CNTNAP2: variants seen among roughly 807,000 people sequenced by gnomAD.
CNTNAP2 encodes contactin associated protein 2, also known as contactin-associated protein-like 2.
A neutral mutation model predicts 155.2 loss-of-function variants in CNTNAP2; 98 were observed. That is an observed-to-expected ratio of 0.63 (90% CI 0.54 to 0.75). The LOEUF is 0.75. Ranked by LOEUF, CNTNAP2 falls within the 30% of genes least tolerant of loss-of-function variation. CNTNAP2 has a pLI of 0.00. For synonymous variants in CNTNAP2, 651 were observed against 631.2 expected (o/e 1.03, Z -0.47); for missense variants, 1,727 against 1,688.1 (o/e 1.02, Z -0.40).
intron 1 of CNTNAP2, among the ~76,000 whole-genome samples, chr7:146,463,734 A>G (rs73462771): frequency 0.027 from 4,177 of 152,274 alleles, 142 homozygotes; most frequent in African/African-American, 0.074. Context: ...GTATATATAT[A>G]GAGTAACTTA....
At chr7:146,873,131 G>A (rs1050012472) in intron 3 of CNTNAP2, among the ~76,000 whole-genome samples, 2 of 152,024 alleles carry the variant, frequency 1.3e-5, no homozygotes, top group Non-Finnish European at 2.9e-5. Context: ...CAATGCATTG[G>A]GTGGATTTAG....
At position 147,137,442 on chromosome 7, in the gene CNTNAP2, T is replaced by C. The variant is rs1443153915; in HGVS notation, c.1348+4933T>C. Among the ~76,000 whole-genome samples the C allele has an allele frequency of 2.0e-5, 3 of 151,822 alleles. No individual in the cohort carries two copies. In the East Asian group the frequency reaches 5.8e-4, roughly 29 times the overall value. ...TAACTTTTTAATATATTTTCTCTAA[T>C]ATCTATATTTTCTCCAATAAACATC... On this transcript the variant is annotated intron_variant, in intron 8 of 23. Coordinates refer to ENST00000361727, the MANE Select transcript of CNTNAP2 (RefSeq NM_014141.6).
intron 15 of CNTNAP2, among the ~76,000 whole-genome samples, chr7:148,095,141 T>G (rs979639788): frequency 2.6e-5 from 4 of 152,218 alleles, no homozygotes; most frequent in African/African-American, 4.8e-5. Context: ...TCCTGGACCA[T>G]GGACCAAGCT....
rs1797281447 is a variant in CNTNAP2 at position 147,420,906 on chromosome 7, T to C, written c.1670+25126T>C. On this transcript the variant is annotated intron_variant, in intron 10 of 23. Coordinates refer to ENST00000361727, the MANE Select transcript of CNTNAP2 (RefSeq NM_014141.6). ...ATCTAGTCCTCGGAGAATACAAAAT[T>C]TTTGACAAAGAAGGAGGTTAAGGAG... Among the ~76,000 whole-genome samples the C allele has an allele frequency of 2.0e-5, 3 of 152,180 alleles. No homozygotes were observed. In the South Asian group the frequency reaches 6.2e-4, roughly 32 times the overall value.
In CNTNAP2 at chr7:148,032,511, C is replaced by G. The variant is rs1422894941; in HGVS notation, c.2383+54522C>G. Among the ~76,000 whole-genome samples the G allele has an allele frequency of 2.0e-5, 3 of 152,088 alleles. No individual in the cohort carries two copies. In the East Asian group the frequency reaches 5.8e-4, roughly 29 times the overall value. ...GAACTCATGGCCTCTCTGCTCAGAT[C>G]TCAAAATCAGAGGAAATGACAAAGA... is the stretch of plus-strand genomic sequence containing the variant. On this transcript the variant is annotated intron_variant, in intron 15 of 23. Coordinates refer to ENST00000361727, the MANE Select transcript of CNTNAP2 (RefSeq NM_014141.6).
chr7:147,074,709 A>C (rs1052579046), intron 4 of CNTNAP2, among the ~76,000 whole-genome samples: 1 of 152,228 alleles, frequency 6.6e-6, no homozygotes, highest in Non-Finnish European at 1.5e-5. Flanking sequence ...TCAATCATTT[A>C]AATAATATTA....
intron 13 of CNTNAP2, among the ~76,000 whole-genome samples, chr7:147,805,537 C>T (rs1035544111): frequency 5.9e-5 from 9 of 152,158 alleles, no homozygotes; most frequent in Non-Finnish European, 1.2e-4. Context: ...TTTTTCCCTG[C>T]TCAGTATGAC....
intron 8 of CNTNAP2, among the ~76,000 whole-genome samples, chr7:147,236,105 C>A (rs1360878510): frequency 1.3e-5 from 2 of 152,218 alleles, no homozygotes; most frequent in Non-Finnish European, 2.9e-5. Context: ...CTTGTCACTA[C>A]TGCTGCCATC....
chr7:148,299,279 C>T (rs994322429), intron 21 of CNTNAP2, among the ~76,000 whole-genome samples: 1 of 152,120 alleles, frequency 6.6e-6, no homozygotes, highest in African/African-American at 2.4e-5. Context: ...TGTGAGCCAC[C>T]ACACCCGGCC....
chr7:148,346,378 A>G (rs1798326345), intron 21 of CNTNAP2, among the ~76,000 whole-genome samples: 1 of 152,216 alleles, frequency 6.6e-6, no homozygotes, highest in African/African-American at 2.4e-5. Flanking sequence ...CCCGTAACAC[A>G]TTTGTGATTA....
intron 4 of CNTNAP2, among the ~76,000 whole-genome samples, chr7:147,088,750 G>A (rs1224536708): frequency 1.3e-5 from 2 of 151,914 alleles, no homozygotes; most frequent in Non-Finnish European, 2.9e-5. Context: ...TTCAAGATCA[G>A]CCTGCAACAT....
intron 2 of CNTNAP2, among the ~76,000 whole-genome samples, chr7:146,791,988 T>C (rs1802682250): frequency 6.6e-6 from 1 of 152,218 alleles, no homozygotes; most frequent in African/African-American, 2.4e-5. Context: ...GTGTGGTTGA[T>C]TTCTTCAGAA....
At chr7:146,178,525 T>C (rs1192811793) in intron 1 of CNTNAP2, among the ~76,000 whole-genome samples, 3 of 152,196 alleles carry the variant, frequency 2.0e-5, no homozygotes, top group African/African-American at 7.2e-5. Context: ...TGGGCATGTT[T>C]GATTAGTAAT....
intron 20 of CNTNAP2, among the ~76,000 whole-genome samples, chr7:148,235,651 C>G (rs1766444632): frequency 2.0e-5 from 3 of 150,788 alleles, no homozygotes; most frequent in Admixed American, 2.0e-4. Context: ...AATTATGTGC[C>G]GGATAATGTG....
intron 1 of CNTNAP2, among the ~76,000 whole-genome samples, chr7:146,562,328 G>T (rs911037139): frequency 1.3e-5 from 2 of 151,464 alleles, no homozygotes; most frequent in Admixed American, 1.3e-4. Flanking sequence ...TATTGATAGG[G>T]TATGTTTTAA....
At chr7:146,286,086 G>T (rs1800332350) in intron 1 of CNTNAP2, among the ~76,000 whole-genome samples, 1 of 137,502 alleles carries the variant, frequency 7.3e-6, no homozygotes, top group Admixed American at 7.5e-5. Flanking sequence ...TGGTTTATAG[G>T]GGGGACTCTC....
intron 3 of CNTNAP2, among the ~76,000 whole-genome samples, chr7:146,902,584 A>G (rs1236240859): frequency 2.6e-5 from 4 of 152,328 alleles, no homozygotes; most frequent in Middle Eastern, 3.4e-3. Context: ...ATGCAGGACA[A>G]CCACCTGTGG....
chr7:146,843,696 T>G (rs528092151), intron 3 of CNTNAP2, among the ~76,000 whole-genome samples: 31 of 151,994 alleles, frequency 2.0e-4, no homozygotes, highest in Non-Finnish European at 4.1e-4. Flanking sequence ...CTACGTCTTA[T>G]CATTCATTAA....
At position 148,289,203 on chromosome 7, in the gene CNTNAP2, C is replaced by T. The variant is rs534987027; in HGVS notation, c.3475+22077C>T. Among the ~76,000 whole-genome samples the T allele has an allele frequency of 5.3e-5, 8 of 152,188 alleles. No individual in the cohort carries two copies. The East Asian group carries it at 5.8e-4, about 11-fold the overall frequency. On this transcript the variant is annotated intron_variant, in intron 21 of 23. Coordinates refer to ENST00000361727, the MANE Select transcript of CNTNAP2 (RefSeq NM_014141.6). ...ACAATAGCTCCAGGGTTGTGCTTAA[C>T]GGGCCATAGTGGGAGGATTTGGAAA... is the stretch of plus-strand genomic sequence containing the variant.
Sources: allele counts gnomAD v4.1 joint callset (sites outside exome capture counted in the v4.1 genomes callset), GRCh38; gene constraint gnomAD v4.1.1; transcripts MANE v1.5; gene names NCBI Gene and HGNC (gene_info 2026-07-23, HGNC 2026-07-21).